The following NEGR1 variants were observed in gnomAD, a reference collection of about 807,000 sequenced individuals.
The protein encoded by NEGR1 is IgLON family member 4.
A neutral mutation model predicts 40.9 loss-of-function variants in NEGR1; 10 were observed. The ratio of observed to expected loss-of-function variants is 0.24; its 90% confidence interval spans 0.15 to 0.42. The LOEUF is 0.42. Among genes scored for constraint, NEGR1 ranks in the 10% least tolerant of loss-of-function variants. The pLI is 1.00. For missense variants in NEGR1, 352 were observed against 438.9 expected (o/e 0.80, Z 1.77); for synonymous variants, 185 against 166.8 (o/e 1.11, Z -0.84).
rs1425690111 is a variant in NEGR1 at position 72,060,556 on chromosome 1, T to G, written c.177-125245A>C. On this transcript the variant is annotated intron_variant, in intron 1 of 6. Transcript: ENST00000357731. The stretch of plus-strand genomic sequence containing the variant: ...AGATCTATGTCTTTTAAGGCCAATT[T>G]TAATAACCTCTTTATTTGCATCTCT... Among the ~76,000 whole-genome samples, 4 of 151,754 alleles carry G rather than the reference T, an allele frequency of 2.6e-5. No individual in the cohort carries two copies. In the East Asian group the frequency reaches 7.8e-4, roughly 30 times the overall value.
chr1:71,898,510 G>C (rs941192725), intron 2 of NEGR1, among the ~76,000 whole-genome samples: 1 of 152,114 alleles, frequency 6.6e-6, no homozygotes, highest in African/African-American at 2.4e-5. Flanking sequence ...AGCTACTCAG[G>C]AGGCTGAGGC....
Position 71,834,615 on chromosome 1 carries a change from CA to C in NEGR1, c.410-58319del, listed in dbSNP as rs368624224. Among the ~76,000 whole-genome samples, 387 of 152,078 alleles carry C rather than the reference CA, an allele frequency of 2.5e-3. 2 individuals carry two copies. Among genetic ancestry groups the C allele is most frequent in the African/African-American group, 9.1e-3 (377 of 41,508 alleles). ...TATACAACTGGCTTTCCTGGGCCCC[CA>C]CTTTCAGAAAACACATTGTGGAAAT... On this transcript the variant is annotated intron_variant, in intron 2 of 6. Transcript: ENST00000357731.
At chr1:71,439,847 A>G (rs1646534842) in intron 6 of NEGR1, 1 of 151,950 alleles carries the variant, frequency 6.6e-6, no homozygotes, top group South Asian at 2.1e-4. Flanking sequence ...ATCTGTAGAT[A>G]TATACATATA....
chr1:71,803,253 A>G (rs1657626105), intron 2 of NEGR1, among the ~76,000 whole-genome samples: 1 of 152,156 alleles, frequency 6.6e-6, no homozygotes, highest in South Asian at 2.1e-4. Flanking sequence ...AAAAATGGCC[A>G]TGTGAGGACA....
intron 2 of NEGR1, among the ~76,000 whole-genome samples, chr1:71,906,761 T>C (rs1179427427): frequency 6.6e-6 from 1 of 152,188 alleles, no homozygotes; most frequent in African/African-American, 2.4e-5. Flanking sequence ...ATCAATAAAA[T>C]ATAGTATGAG....
intron 1 of NEGR1, among the ~76,000 whole-genome samples, chr1:71,981,773 A>G (rs184262992): frequency 7.9e-4 from 121 of 152,256 alleles, no homozygotes; most frequent in African/African-American, 2.6e-3. Context: ...CCTTACCAGT[A>G]ACTAGAAGGT....
At chr1:71,953,958 G>C (rs1646095442) in intron 1 of NEGR1, among the ~76,000 whole-genome samples, 1 of 151,836 alleles carries the variant, frequency 6.6e-6, no homozygotes, top group Non-Finnish European at 1.5e-5. Flanking sequence ...GCAGTGGTCT[G>C]GAAACTGATC....
intron 3 of NEGR1, among the ~76,000 whole-genome samples, chr1:71,770,321 G>A (rs1656272809): frequency 6.6e-6 from 1 of 152,062 alleles, no homozygotes; most frequent in Non-Finnish European, 1.5e-5. Context: ...TCCGTTCCAG[G>A]CTTCTTGTTA....
chr1:71,887,380 A>G (rs1660751969), intron 2 of NEGR1, among the ~76,000 whole-genome samples: 1 of 152,204 alleles, frequency 6.6e-6, no homozygotes, highest in African/African-American at 2.4e-5. Flanking sequence ...TAAAAGCTTA[A>G]CAACTTTTCA....
At chr1:71,418,439 G>A (rs1237241336) in intron 6 of NEGR1, among the ~76,000 whole-genome samples, 1 of 151,556 alleles carries the variant, frequency 6.6e-6, no homozygotes, top group African/African-American at 2.4e-5. Flanking sequence ...TCAGCCTCTC[G>A]AGTAGCTGGG....
intron 6 of NEGR1, among the ~76,000 whole-genome samples, chr1:71,438,203 T>C (rs1646522178): frequency 1.3e-5 from 2 of 152,184 alleles, no homozygotes; most frequent in Admixed American, 1.3e-4. Flanking sequence ...AAGTTGGTGG[T>C]GTACAAATGA....
At chr1:72,072,172 GA>G (rs1363870194) in intron 1 of NEGR1, among the ~76,000 whole-genome samples, 2 of 152,052 alleles carry the variant, frequency 1.3e-5, no homozygotes, top group African/African-American at 4.8e-5. Flanking sequence ...ATAACAGTCT[GA>G]ATTTATTATA....
intron 2 of NEGR1, among the ~76,000 whole-genome samples, chr1:71,814,341 A>G (rs1382909638): frequency 1.3e-5 from 2 of 152,100 alleles, no homozygotes; most frequent in Non-Finnish European, 2.9e-5. Context: ...TTTTGCATCA[A>G]TGTTCATCAG....
chr1:71,563,652 T>C (rs551294618), intron 6 of NEGR1, among the ~76,000 whole-genome samples: 7 of 152,160 alleles, frequency 4.6e-5, no homozygotes, highest in Non-Finnish European at 8.8e-5. Flanking sequence ...AAGATTTTTT[T>C]GTCGTTGTTA....
intron 2 of NEGR1, among the ~76,000 whole-genome samples, chr1:71,861,425 G>C (rs1392788406): frequency 6.6e-6 from 1 of 151,966 alleles, no homozygotes; most frequent in East Asian, 1.9e-4. Flanking sequence ...CCATGGGCAA[G>C]GCTAGGAGAT....
intron 1 of NEGR1, among the ~76,000 whole-genome samples, chr1:72,201,394 T>A (rs556678169): frequency 6.6e-6 from 1 of 151,888 alleles, no homozygotes; most frequent in African/African-American, 2.4e-5. Context: ...ATTTTATTTG[T>A]CTCAGAGTTT....
At chr1:71,643,269 C>T (rs1651416566) in intron 4 of NEGR1, among the ~76,000 whole-genome samples, 1 of 152,016 alleles carries the variant, frequency 6.6e-6, no homozygotes, top group East Asian at 1.9e-4. Flanking sequence ...TACCAGAGAA[C>T]ATTAATGCAA....
At chr1:71,645,397 G>A (rs1311189761) in intron 4 of NEGR1, among the ~76,000 whole-genome samples, 1 of 151,848 alleles carries the variant, frequency 6.6e-6, no homozygotes, top group Non-Finnish European at 1.5e-5. Context: ...TTTACCCTTT[G>A]AAAGCAGAAA....
intron 1 of NEGR1, among the ~76,000 whole-genome samples, chr1:72,051,395 G>A (rs534525487): frequency 9.2e-5 from 14 of 151,478 alleles, no homozygotes; most frequent in Admixed American, 5.3e-4. Flanking sequence ...CACTTCTTTT[G>A]GCACGATCAT....
Sources: allele counts gnomAD v4.1 joint callset (sites outside exome capture counted in the v4.1 genomes callset), GRCh38; gene constraint gnomAD v4.1.1; transcripts MANE v1.5; gene names NCBI Gene and HGNC (gene_info 2026-07-23, HGNC 2026-07-21).